The following NEGR1 variants were observed in gnomAD, a reference collection of about 807,000 sequenced individuals.
NEGR1 encodes neuronal growth regulator 1, also known as IgLON family member 4.
Under a neutral mutation model 40.9 loss-of-function variants are expected in NEGR1, and 10 were observed. The ratio of observed to expected loss-of-function variants is 0.24; its 90% confidence interval spans 0.15 to 0.42. NEGR1 has a LOEUF of 0.42. Among genes scored for constraint, NEGR1 ranks in the 10% least tolerant of loss-of-function variants. The probability of loss-of-function intolerance (pLI) is 1.00; values close to 1 mark genes in which losing one functional copy is unlikely to be tolerated. For missense variants in NEGR1, 352 were observed against 438.9 expected, an observed-to-expected ratio of 0.80 and a Z score of 1.77; for synonymous variants, 185 against 166.8, an observed-to-expected ratio of 1.11 and a Z score of -0.84.
At chr1:72,134,810 T>G (rs1650390371) in intron 1 of NEGR1, among the ~76,000 whole-genome samples, 1 of 151,620 alleles carries the variant, frequency 6.6e-6, no homozygotes, top group Non-Finnish European at 1.5e-5. Context: ...CGTTCTCAGC[T>G]GACCACAACC....
chr1:71,467,996 T>C (rs1258337338), intron 6 of NEGR1, among the ~76,000 whole-genome samples: 4 of 151,986 alleles, frequency 2.6e-5, no homozygotes, highest in Non-Finnish European at 4.4e-5. Flanking sequence ...GTGGAAAACT[T>C]ACTTTATTCT....
At chr1:72,082,009 A>G (rs1478890936) in intron 1 of NEGR1, among the ~76,000 whole-genome samples, 1 of 152,150 alleles carries the variant, frequency 6.6e-6, no homozygotes, top group Non-Finnish European at 1.5e-5. Context: ...AGCTGTATAC[A>G]TGGTGAAAGA....
intron 1 of NEGR1, among the ~76,000 whole-genome samples, chr1:71,940,818 T>C (rs1354872934): frequency 2.6e-5 from 4 of 152,276 alleles, no homozygotes; most frequent in Non-Finnish European, 5.9e-5. Context: ...TTTGTTATTT[T>C]TTAAAGCTCA....
At chr1:72,213,259 C>A (rs967757571) in intron 1 of NEGR1, among the ~76,000 whole-genome samples, 5 of 151,900 alleles carry the variant, frequency 3.3e-5, no homozygotes, top group African/African-American at 1.2e-4. Flanking sequence ...AGGATTAATT[C>A]AGTGTTTTAC....
At chr1:71,968,272 A>G (rs1029708488) in intron 1 of NEGR1, among the ~76,000 whole-genome samples, 5 of 152,212 alleles carry the variant, frequency 3.3e-5, no homozygotes, top group Non-Finnish European at 7.3e-5. Flanking sequence ...TACCCTGCCA[A>G]TGTGCATAAA....
In NEGR1 at chr1:71,771,190, T is replaced by C. The variant is rs1656306493; in HGVS notation, c.535+4982A>G. On this transcript the variant is annotated intron_variant, in intron 3 of 6. Transcript: ENST00000357731. ...CTGGAAACCATCATTCTCAGCAAACTAACACAAGAACAGAAAACCAAACAC... is the reference window on the plus strand; with the variant it reads ...CTGGAAACCATCATTCTCAGCAAACCAACACAAGAACAGAAAACCAAACAC... 2.0e-5 allele frequency among the ~76,000 whole-genome samples: 3 copies of C among 152,176 alleles called. No homozygotes were observed. In the South Asian group the frequency reaches 6.2e-4, roughly 32 times the overall value.
intron 4 of NEGR1, among the ~76,000 whole-genome samples, chr1:71,615,491 T>C (rs1013419504): frequency 5.9e-5 from 9 of 152,060 alleles, no homozygotes; most frequent in African/African-American, 1.7e-4. Flanking sequence ...TCGTAGAAAA[T>C]TATAATAAGA....
At chr1:72,062,500 G>T (rs1306137311) in intron 1 of NEGR1, among the ~76,000 whole-genome samples, 1 of 151,938 alleles carries the variant, frequency 6.6e-6, no homozygotes, top group Non-Finnish European at 1.5e-5. Context: ...CCATCACCTA[G>T]AATAGTGTGA....
chr1:71,985,792 G>A (rs544784364), intron 1 of NEGR1, among the ~76,000 whole-genome samples: 10 of 152,184 alleles, frequency 6.6e-5, no homozygotes, highest in East Asian at 1.9e-4. Context: ...TTCCCTTCCC[G>A]ACATCTAGAA....
At chr1:72,255,547 C>CTTTTTT (rs35452808) in intron 1 of NEGR1, among the ~76,000 whole-genome samples, 14 of 125,344 alleles carry the variant, frequency 1.1e-4, no homozygotes, top group Non-Finnish European at 1.9e-4. Flanking sequence ...AAAAATACTT[C>CTTTTTT]TTTTTTTTTT....
intron 1 of NEGR1, among the ~76,000 whole-genome samples, chr1:72,140,792 G>A (rs1033348285): frequency 7.9e-5 from 12 of 151,738 alleles, no homozygotes; most frequent in African/African-American, 2.9e-4. Context: ...AATTGGACTT[G>A]ATATATTATT....
chr1:72,251,473 G>GT (rs1041513212), intron 1 of NEGR1, among the ~76,000 whole-genome samples: 1 of 152,074 alleles, frequency 6.6e-6, no homozygotes, highest in African/African-American at 2.4e-5. Context: ...TCCATACGGG[G>GT]TTAGTTTCAG....
chr1:71,411,584 G>A (rs1019103063), intron 6 of NEGR1, among the ~76,000 whole-genome samples: 11 of 152,136 alleles, frequency 7.2e-5, no homozygotes, highest in Non-Finnish European at 1.5e-5. Flanking sequence ...ATGTATCTGG[G>A]CTATGGCAAG....
chr1:72,068,515 C>T lies in NEGR1; in HGVS notation c.177-133204G>A, dbSNP rs956838310. On this transcript the variant is annotated intron_variant, in intron 1 of 6. Coordinates refer to ENST00000357731, the MANE Select transcript of NEGR1 (RefSeq NM_173808.3). ...CTTCGGTGTTTGGCTTTCTCTTGTG[C>T]ATGTACAAACAGATGCAGTTTGTTT... 1.2e-4 allele frequency among the ~76,000 whole-genome samples: 19 copies of T among 152,244 alleles called. No homozygotes were observed. The East Asian group carries it at 2.1e-3, about 17-fold the overall frequency.
At chr1:72,107,995 AT>A (rs1649203278) in intron 1 of NEGR1, among the ~76,000 whole-genome samples, 2 of 151,584 alleles carry the variant, frequency 1.3e-5, no homozygotes, top group Admixed American at 6.6e-5. Context: ...ATGTCTAATA[AT>A]TTTTTTAAGT....
At chr1:72,078,443 A>T (rs987063027) in intron 1 of NEGR1, among the ~76,000 whole-genome samples, 2 of 152,044 alleles carry the variant, frequency 1.3e-5, no homozygotes, top group African/African-American at 4.8e-5. Context: ...ACACACACAT[A>T]CAAACACTCT....
intron 2 of NEGR1, among the ~76,000 whole-genome samples, chr1:71,924,649 A>G (rs1265219184): frequency 6.6e-6 from 1 of 152,226 alleles, no homozygotes. Context: ...GTTTGGCATT[A>G]GAAACGATTG....
At chr1:71,976,220 G>A (rs568320421) in intron 1 of NEGR1, among the ~76,000 whole-genome samples, 2 of 151,966 alleles carry the variant, frequency 1.3e-5, no homozygotes, top group African/African-American at 2.4e-5. Flanking sequence ...TTTTGTTTTC[G>A]CTTCACTTCA....
At chr1:71,798,159 C>T (rs1657408485) in intron 2 of NEGR1, 1 of 151,894 alleles carries the variant, frequency 6.6e-6, no homozygotes, top group Non-Finnish European at 1.5e-5. Context: ...AGCCAGCCCC[C>T]TGAAGCTATG....
Sources: allele counts gnomAD v4.1 joint callset (sites outside exome capture counted in the v4.1 genomes callset), GRCh38; gene constraint gnomAD v4.1.1; transcripts MANE v1.5; gene names NCBI Gene and HGNC (gene_info 2026-07-23, HGNC 2026-07-21).